LAMA5: variants seen among roughly 807,000 people sequenced by gnomAD.
The protein encoded by LAMA5 is laminin subunit alpha 5, also known as laminin subunit alpha-5.
Under a neutral mutation model 433.4 loss-of-function variants are expected in LAMA5, and 260 were observed. That is an observed-to-expected ratio of 0.60 (90% CI 0.54 to 0.66). The LOEUF (loss-of-function observed/expected upper bound fraction) is 0.66, where lower values mean the gene tolerates loss of function less well. Among genes scored for constraint, LAMA5 ranks in the 30% least tolerant of loss-of-function variants. LAMA5 has a pLI of 0.00. For synonymous variants in LAMA5, 2,620 were observed against 2,226.6 expected, an observed-to-expected ratio of 1.18 and a Z score of -4.97; for missense variants, 5,378 against 5,258.5, an observed-to-expected ratio of 1.02 and a Z score of -0.70.
intron 11 of LAMA5, among the ~76,000 whole-genome samples, chr20:62,341,826 C>CAAAAA (rs11466846): frequency 3.8e-4 from 49 of 128,112 alleles, no homozygotes; most frequent in African/African-American, 1.6e-3. Context: ...TCTGATCAAC[C>CAAAAA]AAAAAAAAAA....
rs1162269787 is a variant in LAMA5, at chr20:62,326,969, G to A, written c.5113-3C>T. 1.2e-5 allele frequency: 19 copies of A among 1,596,982 alleles called. No individual in the cohort carries two copies. In the East Asian group the frequency reaches 3.8e-4, roughly 32 times the overall value. On this transcript the variant is annotated splice_region_variant and splice_polypyrimidine_tract_variant and intron_variant, in intron 38 of 79. Coordinates refer to ENST00000252999, the MANE Select transcript of LAMA5 (RefSeq NM_005560.6). ...AGGGTCCCACCGTAGGATGACACCT[G>A]GAGGCAGGACAGACAGAGGTGACCT...
Position 62,333,189 on chromosome 20 carries a change from C to T in LAMA5, c.3183G>A (p.Leu1061=), listed in dbSNP as rs775220080. Residue 1061 remains leucine (L), a synonymous_variant, in exon 26 of 80, where the codon CTG becomes CTA. Transcript: ENST00000252999. ...PLDGFPSAAG[L]EALCRQDNSL... is the part of the protein sequence containing the mutation. ...TGTTGTCCTGGCGACACAGGGCCTC[C>T]AGCCCGGCGGCCGAGGGGAAGCCAT... The T allele has an allele frequency of 8.5e-6, 13 of 1,522,192 alleles. No individual in the cohort carries two copies. The highest frequency in any genetic ancestry group is 5.3e-6 in the Non-Finnish European group (6 of 1,135,276). 94.3% of individuals were successfully genotyped at this position (1,522,192 alleles called of 1,614,324 possible).
At chr20:62,339,490 C>T (rs144349208) in intron 11 of LAMA5, among the ~76,000 whole-genome samples, 2,369 of 152,150 alleles carry the variant, frequency 0.016, 25 homozygotes, top group Middle Eastern at 0.034. Context: ...CCTGCCTCGG[C>T]CTCCCAAAGT....
Position 62,352,278 on chromosome 20 carries a change from G to T in LAMA5, c.651C>A (p.Thr217=), listed in dbSNP as rs201297656. 4 of 1,600,180 alleles carry T rather than the reference G, an allele frequency of 2.5e-6. No homozygotes were observed. In the South Asian group the frequency reaches 3.3e-5, roughly 13 times the overall value. The part of the protein sequence containing the change: ...ITRDDAAICT[T]EYSRIVPLEN... ...CCAGGGGCACGATGCGTGAGTACTC[G>T]GTGGTGCAGATGGCCGCGTCGTCCC... Residue 217 remains threonine, a synonymous_variant, in exon 4 of 80, where the codon ACC becomes ACA. Transcript: ENST00000252999.
chr20:62,325,920 T>C (rs1979205935), intron 40 of LAMA5, among the ~76,000 whole-genome samples: 1 of 152,082 alleles, frequency 6.6e-6, no homozygotes, highest in South Asian at 2.1e-4. Flanking sequence ...TATAAGGCCG[T>C]TCATCAGAAG....
intron 2 of LAMA5, among the ~76,000 whole-genome samples, chr20:62,360,227 G>A (rs1397189521): frequency 6.9e-6 from 1 of 144,918 alleles, no homozygotes; most frequent in Non-Finnish European, 1.5e-5. Context: ...AAGGAAGGAA[G>A]ACGGTGCAGG....
rs199665841 is a variant in LAMA5, at chr20:62,316,897, C to A, written c.7638G>T (p.Ala2546=). Residue 2546 remains alanine, a synonymous_variant, in exon 56 of 80, where the codon GCG becomes GCT. Coordinates refer to ENST00000252999, the MANE Select transcript of LAMA5 (RefSeq NM_005560.6). ...EDAAGQALQQ[A]DHTWATVVRQ... ...GGGGCCTCACCGCCCACGTGTGGTC[C>A]GCCTGCTGCAGGGCCTGGCCAGCAG... 1.3e-6 allele frequency: 2 copies of A among 1,534,188 alleles called. No homozygotes were observed. Among genetic ancestry groups the A allele is most frequent in the South Asian group, 1.2e-5 (1 of 83,204 alleles).
Position 62,326,658 on chromosome 20 carries a change from C to G in LAMA5, c.5298+19G>C, listed in dbSNP as rs1196746855. 6.2e-7 allele frequency: 1 copy of G among 1,605,336 alleles called. No individual in the cohort carries two copies. Among genetic ancestry groups the G allele is most frequent in the South Asian group, 1.1e-5 (1 of 90,832 alleles). On this transcript the variant is annotated intron_variant, in intron 40 of 79. Transcript: ENST00000252999. ...TGAGGTCCATGAGGGACCTGGGTGC[C>G]CAAGCCAGCTCCCCTCACCTCCACC...
At chr20:62,320,472 A>G in intron 50 of LAMA5, 87 bp downstream of exon 50, 1 of 991,864 alleles carries the variant, frequency 1.0e-6, no homozygotes, top group East Asian at 2.6e-5. Flanking sequence ...CGAGGCATGA[A>G]GTAACATCTG....
At chr20:62,315,298 G>A (rs1395793884) in intron 58 of LAMA5, 91 bp from the exon 59 acceptor site, 4 of 1,104,412 alleles carry the variant, frequency 3.6e-6, no homozygotes, top group Non-Finnish European at 3.9e-6. Context: ...CAGCAACAGG[G>A]ACATCCAACC....
chr20:62,365,283 C>T (rs1048946755), intron 1 of LAMA5, among the ~76,000 whole-genome samples: 4 of 152,346 alleles, frequency 2.6e-5, no homozygotes, highest in Admixed American at 6.5e-5. Flanking sequence ...CCAGGCTCCT[C>T]GGGCCAAGCT....
intron 31 of LAMA5, 145 bp from the exon 32 acceptor site, chr20:62,330,061 AAGGC>A: frequency 8.3e-6 from 10 of 1,210,150 alleles, no homozygotes; most frequent in Non-Finnish European, 1.1e-5. Flanking sequence ...AGAGGTCTGC[AAGGC>A]CGGCCCCTCA....
At position 62,319,717 on chromosome 20, in the gene LAMA5, C is replaced by A; in HGVS notation, c.6838G>T (p.Ala2280Ser). The change falls in exon 51 of 80, where the codon GCG (alanine) becomes TCG (serine). Residue 2280 changes from alanine (A) to serine (S), a missense_variant. Ala to Ser is a moderately conservative substitution (Grantham distance 99). Transcript: ENST00000252999. The part of the protein sequence containing the change: ...ATLGHAKTLL[A>S]AIRAVDRTLS... ...GTGCGGTCCACAGCCCGGATGGCCG[C>A]CAACAGCGTCTTCGCATGGCCCAGT... 6.5e-7 allele frequency: 1 copy of A among 1,547,218 alleles called. No homozygotes were observed.
intron 11 of LAMA5, among the ~76,000 whole-genome samples, chr20:62,341,527 C>T (rs904913620): frequency 6.6e-6 from 1 of 152,158 alleles, no homozygotes; most frequent in Non-Finnish European, 1.5e-5. Context: ...ATCGTCACAA[C>T]CAAAAATGTC....
intron 1 of LAMA5, among the ~76,000 whole-genome samples, chr20:62,366,093 T>C (rs1445049606): frequency 2.6e-5 from 4 of 152,108 alleles, no homozygotes; most frequent in Non-Finnish European, 5.9e-5. Context: ...CCCTAGACTC[T>C]CCCTAAGGTG....
At chr20:62,322,620 G>GGGGGCCCC in intron 46 of LAMA5, 38 bp downstream of exon 46, 10 of 1,398,998 alleles carry the variant, frequency 7.1e-6, no homozygotes, top group African/African-American at 1.4e-5. Context: ...TAGTCCCTAG[G>GGGGGCCCC]CCCCACCCAC....
chr20:62,324,734 G>A lies in LAMA5; in HGVS notation c.5530-180C>T, dbSNP rs1978959916. ...CTCCTGGCCTCGGCCGGCTGGAGGT[G>A]GGCCAGCACCTGGCTGCTGTTTGAG... On this transcript the variant is annotated intron_variant, in intron 41 of 79. Transcript: ENST00000252999. This position sits in a 1 kb window ranked among gnomAD's most constrained non-coding sequence, Gnocchi z 4.4. 3 of 591,490 alleles carry A rather than the reference G, an allele frequency of 5.1e-6. No homozygotes were observed. The highest frequency in any genetic ancestry group is 6.1e-6 in the Non-Finnish European group (2 of 327,666). 36.6% of individuals were successfully genotyped at this position (591,490 alleles called of 1,614,324 possible).
intron 1 of LAMA5, among the ~76,000 whole-genome samples, chr20:62,362,851 G>A (rs1229642237): frequency 4.0e-5 from 6 of 149,352 alleles, no homozygotes; most frequent in African/African-American, 1.0e-4. Context: ...GCGGGGTGGC[G>A]TCTGAGCACT....
chr20:62,311,125 GC>G (rs752200264), intron 73 of LAMA5, 31 bp from the exon 74 acceptor site: 3 of 1,560,968 alleles, frequency 1.9e-6, no homozygotes, highest in African/African-American at 1.4e-5. Flanking sequence ...AGCCTGCGCG[GC>G]CCCTCTCAGC....
Sources: gnomAD v4.1 joint callset for allele counts (sites outside exome capture counted in the v4.1 genomes callset) on GRCh38, gnomAD v4.1.1 for gene constraint, Gnocchi (gnomAD v3.1) non-coding constraint, MANE v1.5 for transcripts, NCBI Gene and HGNC (gene_info 2026-07-23, HGNC 2026-07-21) for gene names.